ULK2: variants seen among roughly 807,000 people sequenced by gnomAD.
ULK2 encodes serine/threonine-protein kinase ULK2.
In ULK2, 76 loss-of-function variants were observed where a neutral mutation model predicts 127.5. The observed-to-expected ratio is 0.60, with a 90% confidence interval of 0.50 to 0.72. ULK2 has a LOEUF of 0.72. ULK2 is among the 30% of genes least tolerant of loss of function. The pLI, the probability that ULK2 is intolerant of heterozygous loss-of-function variation, is 0.00. For synonymous variants in ULK2, 452 were observed against 461.9 expected, an observed-to-expected ratio of 0.98 and a Z score of 0.28; for missense variants, 1,144 against 1,295.9, an observed-to-expected ratio of 0.88 and a Z score of 1.80.
At chr17:19,777,475 C>T (rs547700211) in intron 26 of ULK2, 106 bp downstream of exon 26, 18 of 1,280,052 alleles carry the variant, frequency 1.4e-5, no homozygotes, top group African/African-American at 1.2e-4. Context: ...TGGAAAGCCA[C>T]GATTCAAACC....
rs2086738380 is a variant in ULK2, at chr17:19,771,689, C to A, written c.*4660G>T. The A allele has an allele frequency of 6.6e-6, 1 of 152,228 alleles. No individual in the cohort carries two copies. Among genetic ancestry groups the A allele is most frequent in the Admixed American group, 6.5e-5 (1 of 15,284 alleles). The allele number at this position is 152,228 out of a possible 1,614,324, so 9.4% of individuals were successfully genotyped here. A position where few individuals can be genotyped will look rare whatever the true frequency, so the allele number is the denominator to read the frequency against. On this transcript the variant is annotated 3_prime_UTR_variant, in exon 27 of 27. Transcript: ENST00000395544. ...CTGTGAGACATGCACTCTTCCCCCA[C>A]TGACAGATTCGGAGGAGGGGAGGAA...
intron 3 of ULK2, chr17:19,856,313 T>C (rs2042124687): frequency 6.6e-6 from 1 of 152,324 alleles, no homozygotes; most frequent in African/African-American, 2.4e-5. Context: ...CCGGGCGCGG[T>C]GGCTCACGCC....
intron 15 of ULK2, among the ~76,000 whole-genome samples, chr17:19,802,744 C>CA (rs1250495879): frequency 6.6e-6 from 1 of 152,172 alleles, no homozygotes; most frequent in Admixed American, 6.5e-5. Context: ...AGGTTGGCTG[C>CA]AATGTGGATC....
chr17:19,819,712 T>C (rs1427727701), intron 12 of ULK2, among the ~76,000 whole-genome samples: 4 of 152,316 alleles, frequency 2.6e-5, no homozygotes, highest in South Asian at 4.1e-4. Context: ...CAGCCGGCCA[T>C]TGTCACCAGC....
At chr17:19,786,369 C>A (rs1242972212) in intron 20 of ULK2, among the ~76,000 whole-genome samples, 1 of 151,992 alleles carries the variant, frequency 6.6e-6, no homozygotes, top group African/African-American at 2.4e-5. Flanking sequence ...GTAAGTTATA[C>A]ATGTTGAAGA....
intron 20 of ULK2, 22 bp downstream of exon 20, chr17:19,795,600 A>T: frequency 6.3e-7 from 1 of 1,599,606 alleles, no homozygotes; most frequent in Non-Finnish European, 8.6e-7. Context: ...ACCTGCCTAA[A>T]AAGAAACTAC....
chr17:19,796,198 G>A lies in ULK2; in HGVS notation c.1894C>T (p.Gln632Ter), dbSNP rs1219888945. The change falls in exon 19 of 27, where the codon CAG (glutamine) becomes TAG (stop). Residue 632 changes from glutamine to a stop codon, truncating the protein, a stop_gained. Coordinates refer to ENST00000395544, the MANE Select transcript of ULK2 (RefSeq NM_014683.4). LOFTEE classifies it high-confidence loss of function. The part of the protein sequence containing the change: ...LVTRHGPAEE[Q>*]SKDGNEPREC... ...CGTGGCTCATTCCCATCTTTCGACT[G>A]TTCTTCAGCAGGCCCATGACGAGTA... is the stretch of plus-strand genomic sequence containing the variant. 1 of 1,614,140 alleles carries A rather than the reference G, an allele frequency of 6.2e-7. No homozygotes were observed. Among genetic ancestry groups the A allele is most frequent in the African/African-American group, 1.3e-5 (1 of 75,024 alleles).
intron 10 of ULK2, among the ~76,000 whole-genome samples, chr17:19,834,551 C>A (rs2041544153): frequency 6.6e-6 from 1 of 151,234 alleles, no homozygotes; most frequent in African/African-American, 2.4e-5. Flanking sequence ...AAAAATGACA[C>A]CAAACAGTAA....
chr17:19,784,035 C>G, intron 21 of ULK2, 130 bp from the exon 22 acceptor site: 1 of 637,658 alleles, frequency 1.6e-6, no homozygotes, highest in Non-Finnish European at 2.3e-6. Flanking sequence ...TCACTGACCC[C>G]CTATGTACTA....
Position 19,775,796 on chromosome 17 carries a change from A to G in ULK2, c.*553T>C, listed in dbSNP as rs1279069087. ...TGGAAGATTAACATGTATCCATATTAGGATCAAATTGAAGATTTCAAAATT... is the reference window on the plus strand; with the variant it reads ...TGGAAGATTAACATGTATCCATATTGGGATCAAATTGAAGATTTCAAAATT... On this transcript the variant is annotated 3_prime_UTR_variant, in exon 27 of 27. Coordinates refer to ENST00000395544, the MANE Select transcript of ULK2 (RefSeq NM_014683.4). 3 of 152,770 alleles carry G rather than the reference A, an allele frequency of 2.0e-5. No homozygotes were observed. Among genetic ancestry groups the G allele is most frequent in the African/African-American group, 7.2e-5 (3 of 41,476 alleles). 9.5% of individuals were successfully genotyped at this position (152,770 alleles called of 1,614,324 possible).
intron 5 of ULK2, 119 bp from the exon 6 acceptor site, chr17:19,847,029 A>G: frequency 1.1e-6 from 1 of 918,098 alleles, no homozygotes; most frequent in Non-Finnish European, 1.5e-6. Flanking sequence ...ATTTGGATTC[A>G]CATTTATTTA....
chr17:19,849,324 C>T, intron 5 of ULK2, 45 bp downstream of exon 5: 1 of 1,573,058 alleles, frequency 6.4e-7, no homozygotes, highest in South Asian at 1.1e-5. Context: ...ATTAAACAGG[C>T]TGCAGCACTG....
chr17:19,826,569 T>TA (rs1254128739), intron 10 of ULK2, among the ~76,000 whole-genome samples: 1 of 152,206 alleles, frequency 6.6e-6, no homozygotes, highest in Non-Finnish European at 1.5e-5. Context: ...CTACAGCTGT[T>TA]AATTGTCCTA....
intron 20 of ULK2, among the ~76,000 whole-genome samples, chr17:19,794,969 C>T (rs1220871181): frequency 6.6e-6 from 1 of 151,884 alleles, no homozygotes; most frequent in Non-Finnish European, 1.5e-5. Context: ...GTCCCAACTA[C>T]TTGGGAGGCT....
rs1329549456 is a variant in ULK2, at chr17:19,825,740, A to C, written c.835+399T>G. Among the ~76,000 whole-genome samples the C allele has an allele frequency of 5.3e-5, 8 of 151,244 alleles. No homozygotes were observed. The East Asian group carries it at 1.6e-3, about 30-fold the overall frequency. ...GGTGGCTCACACCTGTAATTCCAGC[A>C]CTTTGTGGGGCTGAGGCGGGTGGAT... is the stretch of plus-strand genomic sequence containing the variant. On this transcript the variant is annotated intron_variant, in intron 11 of 26. Transcript: ENST00000395544.
At chr17:19,804,880 T>C (rs1187439943) in intron 14 of ULK2, 50 bp from the exon 15 acceptor site, 3 of 1,592,140 alleles carry the variant, frequency 1.9e-6, no homozygotes, top group Non-Finnish European at 2.6e-6. Context: ...TAGGATTGTT[T>C]TTCTTTCATT....
intron 7 of ULK2, among the ~76,000 whole-genome samples, 180 bp downstream of exon 7, chr17:19,845,124 C>A (rs1402140324): frequency 6.6e-6 from 1 of 152,090 alleles, no homozygotes; most frequent in Non-Finnish European, 1.5e-5. Flanking sequence ...CTTTTACAGT[C>A]CACTATGCTA....
At chr17:19,797,983 A>T (rs192597931) in intron 17 of ULK2, among the ~76,000 whole-genome samples, 163 of 152,298 alleles carry the variant, frequency 1.1e-3, no homozygotes, top group Non-Finnish European at 1.7e-3. Flanking sequence ...AGAGAACAAT[A>T]TCGTTAATGA....
intron 12 of ULK2, among the ~76,000 whole-genome samples, chr17:19,823,848 G>GAAGAAA (rs2041222071): frequency 6.6e-6 from 1 of 152,120 alleles, no homozygotes; most frequent in Non-Finnish European, 1.5e-5. Context: ...TGAATTTGCG[G>GAAGAAA]GGCTGTGTAA....
Sources: allele counts gnomAD v4.1 joint callset (sites outside exome capture counted in the v4.1 genomes callset), GRCh38; gene constraint gnomAD v4.1.1; transcripts MANE v1.5; gene names NCBI Gene and HGNC (gene_info 2026-07-23, HGNC 2026-07-21).